SIRT1: variants seen among roughly 807,000 people sequenced by gnomAD.
The protein encoded by SIRT1 is NAD-dependent protein deacetylase sirtuin-1.
SIRT1 carries 24 observed loss-of-function variants against 67.9 expected under a neutral mutation model. The ratio of observed to expected loss-of-function variants is 0.35; its 90% CI spans 0.26 to 0.50. SIRT1 has a LOEUF of 0.50. Among genes scored for constraint, SIRT1 ranks in the 20% least tolerant of loss-of-function variants. The pLI is 0.98. For missense variants in SIRT1, 873 were observed against 937.2 expected (o/e 0.93, Z 0.89); for synonymous variants, 378 against 350.7 (o/e 1.08, Z -0.87).
chr10:67,890,073 C>T (rs552563532), intron 3 of SIRT1, among the ~76,000 whole-genome samples: 3 of 151,744 alleles, frequency 2.0e-5, no homozygotes, highest in South Asian at 4.2e-4. Context: ...TCAGCCTCTC[C>T]TGGCCTGAGT....
In SIRT1 at chr10:67,888,946, T is replaced by TA. The variant is rs1309420406; in HGVS notation, c.612_613insA (p.Leu205IlefsTer10). ...CAGATCCTCGAACAATTCTTAAAGA[T>TA]TTATTGCCGGAAACAATACCTCCAC... is the stretch of plus-strand genomic sequence containing the variant. On this transcript the variant is annotated frameshift_variant, in exon 3 of 9. Transcript: ENST00000212015. LOFTEE classifies it high-confidence loss of function. 6.2e-7 allele frequency: 1 copy of TA among 1,613,966 alleles called. No homozygotes were observed. Among genetic ancestry groups the TA allele is most frequent in the African/African-American group, 1.3e-5 (1 of 75,046 alleles).
At chr10:67,899,644 C>T (rs33992752) in intron 4 of SIRT1, among the ~76,000 whole-genome samples, 137 of 152,126 alleles carry the variant, frequency 9.0e-4, no homozygotes, top group African/African-American at 3.3e-3. Context: ...CGTAACAGCA[C>T]TTAACAGATA....
At position 67,908,034 on chromosome 10, in the gene SIRT1, G is replaced by A. The variant is rs974987259; in HGVS notation, c.1091-12G>A. 1 of 1,607,966 alleles carries A rather than the reference G, an allele frequency of 6.2e-7. No homozygotes were observed. The highest frequency in any genetic ancestry group is 1.7e-5 in the Admixed American group (1 of 59,748). On this transcript the variant is annotated splice_polypyrimidine_tract_variant and intron_variant, in intron 5 of 8. Coordinates refer to ENST00000212015, the MANE Select transcript of SIRT1 (RefSeq NM_012238.5). ...TTCTTTAATAAAGCATATATATGTT[G>A]TTTGTTTTTAGGTTCCTTTGCAACA...
At chr10:67,900,618 G>GT (rs34037379) in intron 4 of SIRT1, among the ~76,000 whole-genome samples, 16,876 of 151,442 alleles carry the variant, frequency 0.11, 969 homozygotes, top group South Asian at 0.15. Flanking sequence ...CTGTTTCTTT[G>GT]TTTTTTTTAT....
chr10:67,887,399 A>C lies in SIRT1; in HGVS notation c.431-18A>C. ...CATGTTGTTTTGATAGCCTTGACTG[A>C]CTTGGTTTCTTTTGCAGATAACCTT... On this transcript the variant is annotated intron_variant, in intron 1 of 8. Transcript: ENST00000212015. The C allele has an allele frequency of 6.5e-7, 1 of 1,543,970 alleles. No individual in the cohort carries two copies. Among genetic ancestry groups the C allele is most frequent in the Non-Finnish European group, 9.0e-7 (1 of 1,116,970 alleles).
chr10:67,911,047 C>T (rs1032308510), intron 7 of SIRT1, among the ~76,000 whole-genome samples: 4 of 152,110 alleles, frequency 2.6e-5, no homozygotes, highest in African/African-American at 7.2e-5. Flanking sequence ...GCAGTTAACT[C>T]AGTCTTACCT....
intron 1 of SIRT1, among the ~76,000 whole-genome samples, chr10:67,886,345 C>A (rs772844775): frequency 6.6e-6 from 1 of 151,874 alleles, no homozygotes; most frequent in East Asian, 1.9e-4. Flanking sequence ...GTAATCCTAG[C>A]ACTTTGGGAG....
intron 2 of SIRT1, 85 bp from the exon 3 acceptor site, chr10:67,888,797 G>A (rs997095925): frequency 2.7e-6 from 4 of 1,461,490 alleles, no homozygotes; most frequent in South Asian, 1.4e-5. Context: ...AACCCTCACA[G>A]AATGCTAACT....
chr10:67,886,555 CAAAAA>C (rs34780303), intron 1 of SIRT1, among the ~76,000 whole-genome samples: 1 of 97,908 alleles, frequency 1.0e-5, no homozygotes, highest in Non-Finnish European at 2.1e-5. Context: ...GACCCCGTCT[CAAAAA>C]AAAAAAAAAA....
At position 67,909,354 on chromosome 10, in the gene SIRT1, T is replaced by C. The variant is rs761433626; in HGVS notation, c.1269T>C (p.His423=). 7 of 1,613,922 alleles carry C rather than the reference T, an allele frequency of 4.3e-6. No homozygotes were observed. The South Asian group carries it at 7.7e-5, about 18-fold the overall frequency. Residue 423 remains histidine (H), a synonymous_variant, in exon 7 of 9, where the codon CAT becomes CAC. Coordinates refer to ENST00000212015, the MANE Select transcript of SIRT1 (RefSeq NM_012238.5). ...FFGENLPEQF[H]RAMKYDKDEV... ...GTGAAAATTTACCAGAACAGTTTCA[T>C]AGAGCCATGAAGTATGACAAAGATG...
chr10:67,889,184 G>A (rs1386430453), intron 3 of SIRT1, 61 bp downstream of exon 3: 2 of 1,489,906 alleles, frequency 1.3e-6, no homozygotes, highest in Non-Finnish European at 1.8e-6. Flanking sequence ...TTTCCAAGTA[G>A]GAAACATTTT....
At position 67,887,466 on chromosome 10, in the gene SIRT1, T is replaced by C. The variant is rs753433479; in HGVS notation, c.480T>C (p.Cys160=). The C allele has an allele frequency of 1.2e-6, 2 of 1,613,974 alleles. No individual in the cohort carries two copies. Among genetic ancestry groups the C allele is most frequent in the Admixed American group, 1.7e-5 (1 of 60,018 alleles). Residue 160 remains cysteine, a synonymous_variant, in exon 2 of 9, where the codon TGT becomes TGC. Coordinates refer to ENST00000212015, the MANE Select transcript of SIRT1 (RefSeq NM_012238.5). ...TTATCACTAATGGTTTTCATTCCTG[T>C]GAAAGTGATGAGGAGGATAGAGCCT... is the stretch of plus-strand genomic sequence containing the variant. ...DEIITNGFHS[C]ESDEEDRASH...
rs973710133 is a variant in SIRT1 at position 67,914,047 on chromosome 10, C to T, written c.1915+1016C>T. On this transcript the variant is annotated intron_variant, in intron 8 of 8. Coordinates refer to ENST00000212015, the MANE Select transcript of SIRT1 (RefSeq NM_012238.5). ...TATTATTGTTTTGAACAAAACATCACACAAAAGGTAGATTTTTTTTTTTTT... is the reference window on the plus strand; with the variant it reads ...TATTATTGTTTTGAACAAAACATCATACAAAAGGTAGATTTTTTTTTTTTT... Among the ~76,000 whole-genome samples the T allele has an allele frequency of 2.8e-5, 4 of 143,204 alleles. No homozygotes were observed. The East Asian group carries it at 6.1e-4, about 22-fold the overall frequency. The allele number at this position is 143,204 out of a possible 152,430, so 93.9% of individuals were successfully genotyped here.
intron 4 of SIRT1, among the ~76,000 whole-genome samples, chr10:67,903,999 A>G (rs967529417): frequency 5.3e-5 from 8 of 151,880 alleles, no homozygotes; most frequent in African/African-American, 1.7e-4. Context: ...TCCATATTCT[A>G]TCTGTAAGTT....
intron 7 of SIRT1, among the ~76,000 whole-genome samples, chr10:67,910,946 A>G (rs1205098845): frequency 6.6e-6 from 1 of 152,206 alleles, no homozygotes; most frequent in Non-Finnish European, 1.5e-5. Flanking sequence ...TAGACCCCAC[A>G]TCAGCAGTCA....
rs200058231 is a variant in SIRT1 at position 67,906,904 on chromosome 10, G to C, written c.1057G>C (p.Val353Leu). ...CCAGAACATAGACACGCTGGAACAG[G>C]TTGCGGGAATCCAAAGGATAATTCA... is the stretch of plus-strand genomic sequence containing the variant. ...YTQNIDTLEQVAGIQRIIQCH... is the reference protein window; with the variant it reads ...YTQNIDTLEQLAGIQRIIQCH... Residue 353 changes from valine (V) to leucine (L), a missense_variant, in exon 5 of 9, where the codon GTT (valine) becomes CTT (leucine). Val to Leu is a conservative substitution (Grantham distance 32). Around this residue, in one of 3 missense-constraint regions of SIRT1, gnomAD observed 251 missense variants for 358.8 expected, o/e 0.70. Coordinates refer to ENST00000212015, the MANE Select transcript of SIRT1 (RefSeq NM_012238.5). The C allele has an allele frequency of 1.9e-6, 3 of 1,608,820 alleles. No individual in the cohort carries two copies. Among genetic ancestry groups the C allele is most frequent in the Non-Finnish European group, 2.5e-6 (3 of 1,178,230 alleles).
At chr10:67,904,372 A>G (rs974051752) in intron 4 of SIRT1, among the ~76,000 whole-genome samples, 5 of 151,672 alleles carry the variant, frequency 3.3e-5, no homozygotes, top group African/African-American at 9.7e-5. Flanking sequence ...CCTGGTCTCA[A>G]GTAACCTGCC....
chr10:67,898,618 G>T (rs1377230596), intron 4 of SIRT1, among the ~76,000 whole-genome samples: 1 of 152,152 alleles, frequency 6.6e-6, no homozygotes, highest in African/African-American at 2.4e-5. Context: ...CATGTATATG[G>T]ATTATATATC....
intron 3 of SIRT1, among the ~76,000 whole-genome samples, chr10:67,890,361 G>GT (rs371515121): frequency 1.0e-3 from 154 of 151,800 alleles, no homozygotes; most frequent in African/African-American, 3.2e-3. Context: ...GCTATACATT[G>GT]TTTTTTTTAA....
Sources: gnomAD v4.1 joint callset for allele counts (sites outside exome capture counted in the v4.1 genomes callset) on GRCh38, gnomAD v4.1.1 for gene constraint, gnomAD v4.1.1 regional missense constraint, MANE v1.5 for transcripts, NCBI Gene and HGNC (gene_info 2026-07-23, HGNC 2026-07-21) for gene names.